RAB27A: variants seen among roughly 807,000 people sequenced by gnomAD.
RAB27A encodes RAB27A, member RAS oncogene family.
Under a neutral mutation model 20.8 loss-of-function variants are expected in RAB27A, and 17 were observed. The observed-to-expected ratio is 0.82, with a 90% CI of 0.56 to 1.23. RAB27A has a LOEUF of 1.23. Among genes scored for constraint, RAB27A ranks in the 50% most tolerant of loss-of-function variants. The pLI is 0.00. For missense variants in RAB27A, 277 were observed against 266.7 expected (o/e 1.04, Z -0.27); for synonymous variants, 85 against 92.8 (o/e 0.92, Z 0.48).
chr15:55,311,655 CT>C (rs2055021121), intron 2 of RAB27A, among the ~76,000 whole-genome samples: 1 of 152,150 alleles, frequency 6.6e-6, no homozygotes, highest in South Asian at 2.1e-4. Context: ...AGAGGTGTAG[CT>C]GTAAGCTAGT....
At chr15:55,314,413 G>A (rs2055034786) in intron 1 of RAB27A, among the ~76,000 whole-genome samples, 1 of 152,120 alleles carries the variant, frequency 6.6e-6, no homozygotes. Flanking sequence ...AGTACTGGAA[G>A]TACTGGCCAG....
At chr15:55,235,315 G>A (rs57868158) in intron 2 of RAB27A, among the ~76,000 whole-genome samples, 6,855 of 152,108 alleles carry the variant, frequency 0.045, 539 homozygotes, top group African/African-American at 0.16. Flanking sequence ...AGGCATGGTG[G>A]TGCATGCCTA....
intron 2 of RAB27A, among the ~76,000 whole-genome samples, chr15:55,251,641 T>C (rs866569876): frequency 6.6e-6 from 1 of 152,184 alleles, no homozygotes; most frequent in Non-Finnish European, 1.5e-5. Flanking sequence ...AATGTTGGTA[T>C]AGCAACTTTA....
chr15:55,262,378 C>A (rs1435659779), intron 2 of RAB27A, among the ~76,000 whole-genome samples: 4 of 151,342 alleles, frequency 2.6e-5, no homozygotes, highest in South Asian at 4.2e-4. Flanking sequence ...CGTCTCTACT[C>A]AAAATACAAA....
chr15:55,242,031 C>T (rs796941552), intron 2 of RAB27A, among the ~76,000 whole-genome samples: 1 of 152,014 alleles, frequency 6.6e-6, no homozygotes, highest in Non-Finnish European at 1.5e-5. Flanking sequence ...CATATCACAG[C>T]CCAGATTTTC....
intron 6 of RAB27A, among the ~76,000 whole-genome samples, chr15:55,209,415 T>G (rs1213943601): frequency 6.6e-6 from 1 of 152,174 alleles, no homozygotes; most frequent in Non-Finnish European, 1.5e-5. Context: ...TGTTTGGCTA[T>G]TTCACATAAC....
At chr15:55,292,506 C>T (rs1025813103), upstream of RAB27A, among the ~76,000 whole-genome samples, 5 of 152,140 alleles carry the variant, frequency 3.3e-5, no homozygotes, top group Non-Finnish European at 4.4e-5. Context: ...GATGAATGGA[C>T]ATATTTGACA....
At chr15:55,239,070 C>G (rs1260703105) in intron 2 of RAB27A, among the ~76,000 whole-genome samples, 1 of 152,154 alleles carries the variant, frequency 6.6e-6, no homozygotes, top group African/African-American at 2.4e-5. Context: ...CCAATAGGCT[C>G]TGACTTGGAC....
chr15:55,236,738 AT>A (rs1896273286), intron 2 of RAB27A, among the ~76,000 whole-genome samples: 1 of 152,154 alleles, frequency 6.6e-6, no homozygotes, highest in Non-Finnish European at 1.5e-5. Flanking sequence ...TAATATTTGT[AT>A]ATTTTTATGG....
At chr15:55,277,299 G>A (rs980729203) in intron 1 of RAB27A, among the ~76,000 whole-genome samples, 11 of 152,138 alleles carry the variant, frequency 7.2e-5, no homozygotes, top group African/African-American at 2.2e-4. Flanking sequence ...GGGGAGAGGC[G>A]TCTACTGGTT....
intron 5 of RAB27A, among the ~76,000 whole-genome samples, chr15:55,225,621 T>A (rs1375970792): frequency 6.6e-6 from 1 of 152,174 alleles, no homozygotes; most frequent in African/African-American, 2.4e-5. Flanking sequence ...TATTAAAGCA[T>A]TTAGAAGAGC....
Position 55,204,676 on chromosome 15 carries a change from C to T in RAB27A, c.*831G>A, listed in dbSNP as rs1474213292. ...CATCGCAAATAACTCGGCATAAGCA[C>T]CAGCTATGTTCAGGTGCGGCCAGCA... On this transcript the variant is annotated 3_prime_UTR_variant, in exon 7 of 7. Transcript: ENST00000336787. The T allele has an allele frequency of 6.6e-6, 1 of 152,150 alleles. No individual in the cohort carries two copies. Among genetic ancestry groups the T allele is most frequent in the Non-Finnish European group, 1.5e-5 (1 of 68,036 alleles). 9.4% of individuals were successfully genotyped at this position (152,150 alleles called of 1,614,324 possible).
rs565883324 is a variant in RAB27A, at chr15:55,253,304, G to A, written c.-23+16861C>T. On this transcript the variant is annotated intron_variant, in intron 2 of 6. Coordinates refer to ENST00000336787, the MANE Select transcript of RAB27A (RefSeq NM_183235.3). ...TCTACTAAAAATACAAAAATTAGCCGGGCACGGTGGCGGGTGCCTATAATT... is the reference window on the plus strand; with the variant it reads ...TCTACTAAAAATACAAAAATTAGCCAGGCACGGTGGCGGGTGCCTATAATT... Among the ~76,000 whole-genome samples, 42 of 151,748 alleles carry A rather than the reference G, an allele frequency of 2.8e-4. 1 individual carries two copies. The highest frequency in any genetic ancestry group is 4.2e-4 in the South Asian group (2 of 4,802).
At chr15:55,294,083 A>T (rs2054937292), upstream of RAB27A, among the ~76,000 whole-genome samples, 1 of 152,178 alleles carries the variant, frequency 6.6e-6, no homozygotes, top group South Asian at 2.1e-4. Flanking sequence ...CCAAAAATTT[A>T]AAAAGTTCAT....
chr15:55,308,532 T>C (rs2055007523), intron 2 of RAB27A, among the ~76,000 whole-genome samples: 1 of 152,234 alleles, frequency 6.6e-6, no homozygotes, highest in African/African-American at 2.4e-5. Flanking sequence ...GTCCTTTTTC[T>C]ACAAAGGAAC....
At chr15:55,278,819 A>G (rs551461541) in intron 1 of RAB27A, among the ~76,000 whole-genome samples, 4 of 152,300 alleles carry the variant, frequency 2.6e-5, no homozygotes, top group African/African-American at 9.6e-5. Flanking sequence ...GTACGTTGAC[A>G]TGGGGCTGAA....
At chr15:55,240,113 T>C (rs1000002083) in intron 2 of RAB27A, among the ~76,000 whole-genome samples, 5 of 152,212 alleles carry the variant, frequency 3.3e-5, no homozygotes, top group African/African-American at 1.2e-4. Context: ...TGTTCTCTTA[T>C]TTATTATTCA....
At chr15:55,315,434 G>C (rs1177912192) in intron 1 of RAB27A, among the ~76,000 whole-genome samples, 1 of 152,174 alleles carries the variant, frequency 6.6e-6, no homozygotes, top group Non-Finnish European at 1.5e-5. Flanking sequence ...AAGAGCTTCT[G>C]CCTAGCAAAA....
intron 6 of RAB27A, among the ~76,000 whole-genome samples, chr15:55,211,278 G>A (rs924735851): frequency 5.3e-5 from 8 of 151,852 alleles, no homozygotes; most frequent in East Asian, 1.9e-4. Flanking sequence ...GATTTTTTTC[G>A]ATATTTGTGA....
Sources: gnomAD v4.1 joint callset for allele counts (sites outside exome capture counted in the v4.1 genomes callset) on GRCh38, gnomAD v4.1.1 for gene constraint, MANE v1.5 for transcripts, NCBI Gene and HGNC (gene_info 2026-07-23, HGNC 2026-07-21) for gene names.